Variants in DPYD observed in about 807,000 individuals in gnomAD.
DPYD encodes the protein dihydropyrimidine dehydrogenase [NADP(+)].
DPYD carries 109 observed loss-of-function variants against 116.2 expected under a neutral mutation model. That is an observed-to-expected ratio of 0.94 (90% CI 0.80 to 1.10). The LOEUF is 1.10. Among genes scored for constraint, DPYD ranks in the 50% least tolerant of loss-of-function variants. The pLI is 0.00. For synonymous variants in DPYD, 440 were observed against 432.0 expected, an observed-to-expected ratio of 1.02 and a Z score of -0.23; for missense variants, 1,302 against 1,254.5, an observed-to-expected ratio of 1.04 and a Z score of -0.57.
At chr1:97,776,936 T>C (rs1050267977) in intron 3 of DPYD, among the ~76,000 whole-genome samples, 2 of 152,208 alleles carry the variant, frequency 1.3e-5, no homozygotes, top group Non-Finnish European at 2.9e-5. Context: ...TCTAGGGTAT[T>C]TGAGAATACA....
chr1:97,202,131 C>G (rs1349233069), intron 19 of DPYD, among the ~76,000 whole-genome samples: 1 of 152,176 alleles, frequency 6.6e-6, no homozygotes, highest in East Asian at 1.9e-4. Context: ...GAACAACAAA[C>G]GAATAGCCCC....
chr1:97,185,296 G>A (rs368377677), intron 20 of DPYD, among the ~76,000 whole-genome samples: 53 of 152,256 alleles, frequency 3.5e-4, no homozygotes, highest in Admixed American at 1.0e-3. Context: ...CAACACATAT[G>A]TACTAGAATA....
intron 20 of DPYD, among the ~76,000 whole-genome samples, chr1:97,122,349 A>C (rs992699089): frequency 6.6e-6 from 1 of 152,156 alleles, no homozygotes; most frequent in Non-Finnish European, 1.5e-5. Flanking sequence ...GTTTTGTGGC[A>C]GTGATGGGGC....
intron 20 of DPYD, among the ~76,000 whole-genome samples, chr1:97,145,669 T>G (rs1010786349): frequency 6.6e-6 from 1 of 151,854 alleles, no homozygotes; most frequent in African/African-American, 2.4e-5. Flanking sequence ...CTGTAATGAA[T>G]GCGTGCTGCA....
chr1:97,719,518 CACTTCA>C (rs1484792876), intron 5 of DPYD, among the ~76,000 whole-genome samples: 12 of 152,000 alleles, frequency 7.9e-5, no homozygotes, highest in Non-Finnish European at 1.3e-4. Flanking sequence ...CATCATATTA[CACTTCA>C]ACTTAAATAC....
chr1:97,507,711 C>T (rs1647450564), intron 13 of DPYD, among the ~76,000 whole-genome samples: 1 of 151,956 alleles, frequency 6.6e-6, no homozygotes, highest in South Asian at 2.1e-4. Flanking sequence ...CAATGTTATT[C>T]CTCAGTTCTC....
intron 20 of DPYD, among the ~76,000 whole-genome samples, chr1:97,142,023 T>C (rs1033117661): frequency 2.0e-5 from 3 of 152,194 alleles, no homozygotes; most frequent in Non-Finnish European, 2.9e-5. Flanking sequence ...ACTCCTTTGA[T>C]TGACTCTTTG....
At chr1:97,650,016 T>A (rs984686142) in intron 8 of DPYD, among the ~76,000 whole-genome samples, 1 of 152,018 alleles carries the variant, frequency 6.6e-6, no homozygotes, top group African/African-American at 2.4e-5. Flanking sequence ...ATCTGATCAT[T>A]TCACTTCCCA....
chr1:97,198,192 G>C (rs565070768), intron 19 of DPYD, among the ~76,000 whole-genome samples: 19 of 152,198 alleles, frequency 1.2e-4, no homozygotes, highest in South Asian at 1.2e-3. Context: ...ATTTTCGGGG[G>C]ATGCTGCTGC....
In DPYD at chr1:97,595,166, C is replaced by T. The variant is rs777220476; in HGVS notation, c.851G>A (p.Gly284Asp). The change falls in exon 9 of 23, where the codon GGT (glycine) becomes GAT (aspartate). Residue 284 changes from glycine to aspartate, a missense_variant and splice_region_variant. Gly to Asp is a moderately conservative substitution (Grantham distance 94). Coordinates refer to ENST00000370192, the MANE Select transcript of DPYD (RefSeq NM_000110.4). ...GGCATCTTTATTGGGTTCTGGCAAA[C>T]CTAAGTAATCAAATTTATAAAATAT... ...KGYKAAFIGI[G>D]LPEPNKDAIF... The T allele has an allele frequency of 1.2e-6, 2 of 1,612,386 alleles. No homozygotes were observed. Among genetic ancestry groups the T allele is most frequent in the Non-Finnish European group, 1.7e-6 (2 of 1,178,708 alleles).
chr1:97,808,724 G>A (rs1018654777), intron 3 of DPYD, among the ~76,000 whole-genome samples: 1 of 150,702 alleles, frequency 6.6e-6, no homozygotes, highest in Non-Finnish European at 1.5e-5. Context: ...CTTAAATTGG[G>A]GTTTATATCT....
At chr1:97,474,016 TAAA>T (rs35210810) in intron 13 of DPYD, among the ~76,000 whole-genome samples, 3 of 132,076 alleles carry the variant, frequency 2.3e-5, no homozygotes, top group African/African-American at 2.9e-5. Context: ...AAACTGTCTT[TAAA>T]AAAAAAAAAA....
In DPYD at chr1:97,222,667, A is replaced by G. The variant is rs1320096962; in HGVS notation, c.2442+12185T>C. ...TAGAACATCATTGAATGGATAAACT[A>G]AAAGCATTTTTTTCTTATATATTAT... On this transcript the variant is annotated intron_variant, in intron 19 of 22. Transcript: ENST00000370192. Among the ~76,000 whole-genome samples the G allele has an allele frequency of 2.6e-5, 4 of 152,134 alleles. 1 individual carries two copies. Among genetic ancestry groups the G allele is most frequent in the Non-Finnish European group, 5.9e-5 (4 of 67,960 alleles).
intron 8 of DPYD, among the ~76,000 whole-genome samples, chr1:97,633,011 T>G (rs1229653873): frequency 6.6e-6 from 1 of 152,066 alleles, no homozygotes; most frequent in Non-Finnish European, 1.5e-5. Flanking sequence ...ACAAAAAAAA[T>G]GGGGCATACT....
At chr1:97,100,510 G>T (rs1650591105) in intron 20 of DPYD, among the ~76,000 whole-genome samples, 9 of 152,036 alleles carry the variant, frequency 5.9e-5, no homozygotes, top group Admixed American at 5.9e-4. Flanking sequence ...AGATGCCTCA[G>T]GTTAGCAGGC....
At chr1:97,652,279 C>T (rs1171236892) in intron 8 of DPYD, among the ~76,000 whole-genome samples, 1 of 152,138 alleles carries the variant, frequency 6.6e-6, no homozygotes, top group Non-Finnish European at 1.5e-5. Flanking sequence ...TCCTCTTTGA[C>T]TAACATCTCC....
chr1:97,676,782 G>A (rs552957661), intron 8 of DPYD, among the ~76,000 whole-genome samples: 1 of 152,250 alleles, frequency 6.6e-6, no homozygotes. Flanking sequence ...ATTTCCTAGA[G>A]AATACGGCTA....
intron 4 of DPYD, among the ~76,000 whole-genome samples, chr1:97,733,545 T>C (rs1663755232): frequency 6.6e-6 from 1 of 152,020 alleles, no homozygotes; most frequent in South Asian, 2.1e-4. Context: ...TAAAATGCAA[T>C]TTTAAGAATT....
At chr1:97,332,570 T>C (rs1019503214) in intron 16 of DPYD, among the ~76,000 whole-genome samples, 1 of 152,194 alleles carries the variant, frequency 6.6e-6, no homozygotes, top group South Asian at 2.1e-4. Context: ...GTCTTCATGC[T>C]TGGGCATGAA....
Sources: allele counts gnomAD v4.1 joint callset (sites outside exome capture counted in the v4.1 genomes callset), GRCh38; gene constraint gnomAD v4.1.1; transcripts MANE v1.5; gene names NCBI Gene and HGNC (gene_info 2026-07-23, HGNC 2026-07-21).